Variants in SLC37A1 observed in about 807,000 individuals in gnomAD.
SLC37A1 encodes solute carrier family 37 member 1.
A neutral mutation model predicts 75.3 loss-of-function variants in SLC37A1; 49 were observed. That is an observed-to-expected ratio of 0.65 (90% CI 0.52 to 0.83). The LOEUF (loss-of-function observed/expected upper bound fraction) is 0.83. SLC37A1 is among the 40% of genes least tolerant of loss of function. SLC37A1 has a pLI of 0.00. For missense variants in SLC37A1, 566 were observed against 695.0 expected (o/e 0.81, Z 2.09); for synonymous variants, 268 against 292.1 (o/e 0.92, Z 0.84).
intron 18 of SLC37A1, among the ~76,000 whole-genome samples, chr21:42,579,178 G>C (rs2056366280): frequency 1.3e-5 from 2 of 152,252 alleles, no homozygotes; most frequent in South Asian, 4.1e-4. Flanking sequence ...CTGAGGCAGT[G>C]ATGTTGGTGG....
intron 10 of SLC37A1, among the ~76,000 whole-genome samples, chr21:42,557,137 T>C (rs538392991): frequency 1.8e-4 from 27 of 152,352 alleles, no homozygotes; most frequent in African/African-American, 6.5e-4. Flanking sequence ...GAGGGTGCGC[T>C]TCTCCTGGCT....
intron 2 of SLC37A1, 102 bp downstream of exon 2, chr21:42,518,612 A>C: frequency 7.8e-7 from 1 of 1,284,310 alleles, no homozygotes; most frequent in Non-Finnish European, 1.1e-6. Context: ...AACACATAAA[A>C]CTTGAATCAC....
intron 9 of SLC37A1, among the ~76,000 whole-genome samples, chr21:42,551,316 A>G (rs909923880): frequency 6.6e-6 from 1 of 152,258 alleles, no homozygotes; most frequent in Non-Finnish European, 1.5e-5. Flanking sequence ...CAATAGCATC[A>G]AAAAACATTA....
chr21:42,579,693 G>C (rs1455075917), intron 18 of SLC37A1, 43 bp from the exon 19 acceptor site: 2 of 1,611,470 alleles, frequency 1.2e-6, no homozygotes, highest in East Asian at 4.5e-5. Flanking sequence ...GCCGCCCTGT[G>C]CCTGCTCCAG....
At position 42,547,389 on chromosome 21, in the gene SLC37A1, C is replaced by A. The variant is rs1211069441; in HGVS notation, c.768+249C>A. ...TGAAGGACTTCATGCTAAGGGGAAC[C>A]AAAGGCTGGGCCCTGGCCAGGCCTC... On this transcript the variant is annotated intron_variant, in intron 9 of 19. Transcript: ENST00000352133. The surrounding 1 kb of genome is among the most constrained non-coding windows in gnomAD (Gnocchi z 6.1). 4.4e-6 allele frequency: 2 copies of A among 451,828 alleles called. No homozygotes were observed. The highest frequency in any genetic ancestry group is 4.0e-5 in the African/African-American group (2 of 50,242). The allele number at this position is 451,828 out of a possible 1,614,324, so 28.0% of individuals were successfully genotyped here.
At chr21:42,533,076 G>C (rs561442685) in intron 3 of SLC37A1, among the ~76,000 whole-genome samples, 5 of 152,156 alleles carry the variant, frequency 3.3e-5, no homozygotes, top group Admixed American at 2.0e-4. Context: ...GGCCAGCCTT[G>C]TTGGCCACTC....
In SLC37A1 at chr21:42,579,786, G is replaced by C; in HGVS notation, c.1572G>C (p.Thr524=). The stretch of plus-strand genomic sequence containing the variant: ...AGCTGAGCTGCCCAGGGTCAGCTAC[G>C]GGGGACCAAGTTCCGTAAGTCCCAC... ...HKELSCPGSA[T]GDQVPFKEQ Residue 524 remains threonine, a synonymous_variant, in exon 19 of 20, where the codon ACG becomes ACC. Transcript: ENST00000352133. The C allele has an allele frequency of 1.2e-6, 2 of 1,614,128 alleles. No individual in the cohort carries two copies. The highest frequency in any genetic ancestry group is 1.1e-5 in the South Asian group (1 of 91,080).
upstream of SLC37A1, among the ~76,000 whole-genome samples, chr21:42,510,121 G>A (rs2054420330): frequency 2.0e-5 from 3 of 152,178 alleles, no homozygotes; most frequent in Admixed American, 6.5e-5. Flanking sequence ...TCTGCCTCCT[G>A]GGTTCAAGCA....
intron 13 of SLC37A1, among the ~76,000 whole-genome samples, chr21:42,564,223 C>CAA (rs59155326): frequency 6.3e-5 from 5 of 79,962 alleles, no homozygotes; most frequent in East Asian, 6.3e-4. Flanking sequence ...CCCCTCTCTA[C>CAA]AAAAAAAAAA....
intron 12 of SLC37A1, among the ~76,000 whole-genome samples, chr21:42,562,866 G>A (rs116263705): frequency 0.013 from 2,020 of 152,190 alleles, 51 homozygotes; most frequent in African/African-American, 0.046. Context: ...ACGCTGGGCC[G>A]TCAGGGAGGG....
In SLC37A1 at chr21:42,567,038, A is replaced by G; in HGVS notation, c.1324A>G (p.Thr442Ala). The change falls in exon 16 of 20, where the codon ACC (threonine) becomes GCC (alanine). Residue 442 changes from threonine (T) to alanine (A), a missense_variant. Transcript: ENST00000352133. ...CAGTGGGCCCTACACACTCATCACC[A>G]CCGCCGTCTCCGCCGACCTGGTGAG... ...LVSGPYTLIT[T>A]AVSADLGTHK... The G allele has an allele frequency of 6.2e-7, 1 of 1,609,016 alleles. No homozygotes were observed. The highest frequency in any genetic ancestry group is 8.5e-7 in the Non-Finnish European group (1 of 1,179,850).
At chr21:42,513,600 C>G (rs189708355), upstream of SLC37A1, among the ~76,000 whole-genome samples, 215 of 151,950 alleles carry the variant, frequency 1.4e-3, 1 homozygote, top group Non-Finnish European at 2.2e-3. Flanking sequence ...AGCGAAAGCC[C>G]GTGCGCCCTC....
chr21:42,571,220 G>A (rs540322182), intron 17 of SLC37A1, among the ~76,000 whole-genome samples: 41 of 152,288 alleles, frequency 2.7e-4, no homozygotes, highest in Non-Finnish European at 5.1e-4. Context: ...GGAGGTGCCC[G>A]CATGCTTATT....
chr21:42,577,741 C>T (rs1413761882), intron 18 of SLC37A1, among the ~76,000 whole-genome samples: 1 of 152,204 alleles, frequency 6.6e-6, no homozygotes, highest in Non-Finnish European at 1.5e-5. Context: ...TGGACTTAAA[C>T]TCATCAGTTA....
chr21:42,518,591 T>G, intron 2 of SLC37A1, 81 bp downstream of exon 2: 1 of 1,496,420 alleles, frequency 6.7e-7, no homozygotes, highest in Non-Finnish European at 9.3e-7. Context: ...GTTGCCCCAG[T>G]TTCATTATAA....
chr21:42,557,969 A>AAT, intron 10 of SLC37A1, among the ~76,000 whole-genome samples: 1 of 152,210 alleles, frequency 6.6e-6, no homozygotes, highest in East Asian at 1.9e-4. Context: ...TTCTTTTTTG[A>AAT]GACAGGGTCT....
At position 42,564,701 on chromosome 21, in the gene SLC37A1, G is replaced by A. The variant is rs111412766; in HGVS notation, c.1136-7G>A. 4.6e-3 allele frequency: 7,477 copies of A among 1,610,346 alleles called. 295 individuals carry two copies. In the African/African-American group the frequency reaches 0.084, roughly 18 times the overall value. On this transcript the variant is annotated splice_region_variant and splice_polypyrimidine_tract_variant and intron_variant, in intron 13 of 19. Coordinates refer to ENST00000352133, the MANE Select transcript of SLC37A1 (RefSeq NM_001320537.2). ...GTCAGTGCCTGAAGCCCGCCTCTCC[G>A]TTGCAGGTGGGATCCTGGCAGGTGT...
At position 42,574,669 on chromosome 21, in the gene SLC37A1, C is replaced by G. The variant is rs753454056; in HGVS notation, c.1424-149C>G. 6.3e-5 allele frequency: 44 copies of G among 697,722 alleles called. No individual in the cohort carries two copies. In the African/African-American group the frequency reaches 7.2e-4, roughly 11 times the overall value. 43.2% of individuals were successfully genotyped at this position (697,722 alleles called of 1,614,324 possible). On this transcript the variant is annotated intron_variant, in intron 17 of 19. Transcript: ENST00000352133. ...CTATACTAGGCCTTGTACCCGCTCC[C>G]AATCTGATAGGCCAGGATGAGGTAG...
rs17115081 is a variant in SLC37A1, at chr21:42,548,778, G to A, written c.768+1638G>A. On this transcript the variant is annotated intron_variant, in intron 9 of 19. Transcript: ENST00000352133. This position sits in a 1 kb window ranked among gnomAD's most constrained non-coding sequence, Gnocchi z 5.6. ...GAAATCCTCACCAGTCCATCTGGTT[G>A]GTCTCTGTCACCCTCACAGAAGGGT... 0.071 allele frequency among the ~76,000 whole-genome samples: 10,831 copies of A among 152,224 alleles called. 1,290 individuals are homozygous for A. Among genetic ancestry groups the A allele is most frequent in the African/African-American group, 0.25 (10,270 of 41,498 alleles).
Sources: allele counts gnomAD v4.1 joint callset (sites outside exome capture counted in the v4.1 genomes callset), GRCh38; gene constraint gnomAD v4.1.1; non-coding constraint Gnocchi (gnomAD v3.1); transcripts MANE v1.5; gene names NCBI Gene and HGNC (gene_info 2026-07-23, HGNC 2026-07-21).